Variants in MLLT1 observed in about 807,000 individuals in gnomAD.
MLLT1 encodes MLLT1 super elongation complex subunit.
MLLT1 carries 11 observed loss-of-function variants against 55.1 expected under a neutral mutation model. The ratio of observed to expected loss-of-function variants is 0.20; its 90% CI spans 0.13 to 0.33. The LOEUF (loss-of-function observed/expected upper bound fraction) is 0.33. Among genes scored for constraint, MLLT1 ranks in the 10% least tolerant of loss-of-function variants. The pLI is 1.00. For missense variants in MLLT1, 536 were observed against 760.6 expected (o/e 0.70, Z 3.47); for synonymous variants, 323 against 320.1 (o/e 1.01, Z -0.10).
intron 3 of MLLT1, among the ~76,000 whole-genome samples, chr19:6,246,308 CGTG>C (rs2091168115): frequency 6.6e-6 from 1 of 152,110 alleles, no homozygotes; most frequent in South Asian, 2.1e-4. Flanking sequence ...GAACTGAAAA[CGTG>C]GTCACACAAA....
At chr19:6,228,070 C>T (rs1410090478) in intron 4 of MLLT1, among the ~76,000 whole-genome samples, 2 of 152,142 alleles carry the variant, frequency 1.3e-5, no homozygotes, top group Admixed American at 1.3e-4. Context: ...AGGCCATGGG[C>T]CCCTAGGGTC....
At position 6,220,940 on chromosome 19, in the gene MLLT1, GCCACTGCC is replaced by G. The variant is rs1448119213; in HGVS notation, c.1110+1173_1110+1180del. Reference sequence around the variant, plus strand: ...GTCATAGCAGATGGTGCCGTCTTCAGCCACTGCCAAGCCATGGGAGCACCGGGCACTCA... The same window carrying G: ...GTCATAGCAGATGGTGCCGTCTTCAGAAGCCATGGGAGCACCGGGCACTCA... On this transcript the variant is annotated intron_variant, in intron 6 of 11. Coordinates refer to ENST00000252674, the MANE Select transcript of MLLT1 (RefSeq NM_005934.4). Among the ~76,000 whole-genome samples the G allele has an allele frequency of 9.8e-5, 15 of 152,302 alleles. No individual in the cohort carries two copies. The South Asian group carries it at 2.9e-3, about 29-fold the overall frequency.
At chr19:6,214,084 GC>G in intron 8 of MLLT1, 46 bp from the exon 9 acceptor site, 3 of 1,229,640 alleles carry the variant, frequency 2.4e-6, no homozygotes, top group Non-Finnish European at 2.1e-6. Context: ...CGCCACCACG[GC>G]CCCCACCCCA....
Position 6,226,994 on chromosome 19 carries a change from G to T in MLLT1, c.529C>A (p.Pro177Thr). Reference sequence around the variant, plus strand: ...TCACTAACCTTGGAGCCGTGGGATGGTTTGGTCTTCTTGGGGTCAGAGAAG... The same window carrying T: ...TCACTAACCTTGGAGCCGTGGGATGTTTTGGTCTTCTTGGGGTCAGAGAAG... ...SAFSDPKKTK[P>T]SHGSKDANKE... Residue 177 changes from proline (P) to threonine (T), a missense_variant, in exon 5 of 12, where the codon CCA becomes ACA. Pro to Thr is a conservative substitution (Grantham distance 38). This residue lies in a region of MLLT1 where 449 missense variants were observed against 489.0 expected (regional missense o/e 0.92). Coordinates refer to ENST00000252674, the MANE Select transcript of MLLT1 (RefSeq NM_005934.4). This position sits in a 1 kb window ranked among gnomAD's most constrained non-coding sequence, Gnocchi z 6.3. The T allele has an allele frequency of 6.2e-7, 1 of 1,602,712 alleles. No individual in the cohort carries two copies. The highest frequency in any genetic ancestry group is 2.3e-5 in the East Asian group (1 of 43,226).
chr19:6,241,906 C>A (rs764267902), intron 3 of MLLT1, among the ~76,000 whole-genome samples: 30 of 152,242 alleles, frequency 2.0e-4, no homozygotes, highest in Non-Finnish European at 4.0e-4. Context: ...AGGCCTCCCC[C>A]TCGGCCACAT....
In MLLT1 at chr19:6,230,431, G is replaced by A. The variant is rs1029305518; in HGVS notation, c.420+139C>T. 4.9e-5 allele frequency: 51 copies of A among 1,046,106 alleles called. No individual in the cohort carries two copies. Among genetic ancestry groups the A allele is most frequent in the Non-Finnish European group, 6.4e-5 (47 of 738,382 alleles). 64.8% of individuals were successfully genotyped at this position (1,046,106 alleles called of 1,614,324 possible). Reference sequence around the variant, plus strand: ...TTGTGGAGCTCCCAGGTCCCCTCCAGCTCTGCTGGGTGCTGCCGTGTGACC... The same window carrying A: ...TTGTGGAGCTCCCAGGTCCCCTCCAACTCTGCTGGGTGCTGCCGTGTGACC... On this transcript the variant is annotated intron_variant, in intron 4 of 11. Transcript: ENST00000252674. This position sits in a 1 kb window ranked among gnomAD's most constrained non-coding sequence, Gnocchi z 9.0.
chr19:6,213,787 C>T lies in MLLT1; in HGVS notation c.1418G>A (p.Arg473Gln), dbSNP rs749203329. The change falls in exon 10 of 12, where the codon CGG becomes CAG. Residue 473 changes from arginine (R) to glutamine (Q), a missense_variant. By Grantham distance (43) the Arg-to-Gln change is conservative. Transcript: ENST00000252674. Reference protein sequence around the residue: ...PPPPNSKVSGRRSPESCSKPE... With the variant: ...PPPPNSKVSGQRSPESCSKPE... Reference sequence around the variant, plus strand: ...CTTGCTGCAGGACTCGGGGCTCCTCCGGCCTGACACCTGCAGGGAACCCAG... The same window carrying T: ...CTTGCTGCAGGACTCGGGGCTCCTCTGGCCTGACACCTGCAGGGAACCCAG... The T allele has an allele frequency of 4.8e-5, 78 of 1,613,466 alleles. No individual in the cohort carries two copies. In the Middle Eastern group the frequency reaches 3.3e-3, roughly 68 times the overall value.
At chr19:6,279,424 T>C (rs1340684912) in intron 1 of MLLT1, among the ~76,000 whole-genome samples, 1 of 151,546 alleles carries the variant, frequency 6.6e-6, no homozygotes, top group Non-Finnish European at 1.5e-5. Context: ...TGTCTTGAGG[T>C]CCCTAAGCCG....
At position 6,213,723 on chromosome 19, in the gene MLLT1, C is replaced by G. The variant is rs2233196; in HGVS notation, c.1479+3G>C. 0.054 allele frequency: 86,777 copies of G among 1,612,666 alleles called. 2,817 individuals are homozygous for G. Among genetic ancestry groups the G allele is most frequent in the Middle Eastern group, 0.13 (767 of 6,052 alleles). On this transcript the variant is annotated splice_donor_region_variant and intron_variant, in intron 10 of 11. Transcript: ENST00000252674. The stretch of plus-strand genomic sequence containing the variant: ...CCCCGCCTTGTCGTAGGTGCCCCCC[C>G]ACCTTGTCGTAGGTGCCCTTCTTGA...
At chr19:6,216,535 G>C in intron 7 of MLLT1, 22 bp from the exon 8 acceptor site, 1 of 1,520,196 alleles carries the variant, frequency 6.6e-7, no homozygotes, top group South Asian at 1.2e-5. Flanking sequence ...GGGCAGGGAG[G>C]GAGGGGAGAC....
rs1267768031 is a variant in MLLT1, at chr19:6,227,450, G to T, written c.421-348C>A. Among the ~76,000 whole-genome samples, 1 of 152,240 alleles carries T rather than the reference G, an allele frequency of 6.6e-6. No homozygotes were observed. The highest frequency in any genetic ancestry group is 2.1e-4 in the South Asian group (1 of 4,834). ...GCTGCGGCCGAAGCCTGACCTACGC[G>T]CTTAGGTTTAGGGGGAACAGCTCAG... is the stretch of plus-strand genomic sequence containing the variant. On this transcript the variant is annotated intron_variant, in intron 4 of 11. Transcript: ENST00000252674. This position sits in a 1 kb window ranked among gnomAD's most constrained non-coding sequence, Gnocchi z 5.1.
intron 3 of MLLT1, among the ~76,000 whole-genome samples, chr19:6,236,202 G>A (rs111536674): frequency 5.3e-5 from 8 of 152,202 alleles, no homozygotes; most frequent in Admixed American, 3.9e-4. Context: ...AAACAGCCAC[G>A]CAGCAGTGAC....
At chr19:6,241,617 G>A (rs1033147068) in intron 3 of MLLT1, among the ~76,000 whole-genome samples, 1 of 152,188 alleles carries the variant, frequency 6.6e-6, no homozygotes, top group African/African-American at 2.4e-5. Context: ...TGGCCGTGGC[G>A]GGCGCAGGGT....
At chr19:6,269,159 G>A (rs1300755733) in intron 2 of MLLT1, among the ~76,000 whole-genome samples, 1 of 152,244 alleles carries the variant, frequency 6.6e-6, no homozygotes, top group Non-Finnish European at 1.5e-5. Context: ...ACCTATGCGG[G>A]CGGGCATGGC....
At chr19:6,250,899 T>G (rs1484441725) in intron 3 of MLLT1, among the ~76,000 whole-genome samples, 1 of 152,122 alleles carries the variant, frequency 6.6e-6, no homozygotes, top group Non-Finnish European at 1.5e-5. Context: ...CAGCAGAATG[T>G]TACTTGGCCG....
At chr19:6,217,570 CA>C (rs1195335728) in intron 7 of MLLT1, among the ~76,000 whole-genome samples, 2 of 152,238 alleles carry the variant, frequency 1.3e-5, no homozygotes. Context: ...CGTCCACAGG[CA>C]GCCAGTGCCT....
At chr19:6,272,848 G>C (rs531564694) in intron 1 of MLLT1, among the ~76,000 whole-genome samples, 1 of 152,228 alleles carries the variant, frequency 6.6e-6, no homozygotes, top group African/African-American at 2.4e-5. Flanking sequence ...GGGTCTGTGC[G>C]CACAGCAAGC....
intron 3 of MLLT1, among the ~76,000 whole-genome samples, chr19:6,238,409 T>C (rs569320616): frequency 2.0e-5 from 3 of 152,356 alleles, no homozygotes; most frequent in African/African-American, 7.2e-5. Flanking sequence ...TTAGTAGACG[T>C]GATGTCTAGG....
At position 6,219,328 on chromosome 19, in the gene MLLT1, G is replaced by T. The variant is rs971154421; in HGVS notation, c.1111-1287C>A. ...TCCCTGATGAATCATCACTGGGAAAGCCTGCCGTGGTGCCCATCAGTCACT... is the reference window on the plus strand; with the variant it reads ...TCCCTGATGAATCATCACTGGGAAATCCTGCCGTGGTGCCCATCAGTCACT... On this transcript the variant is annotated intron_variant, in intron 6 of 11. Coordinates refer to ENST00000252674, the MANE Select transcript of MLLT1 (RefSeq NM_005934.4). The surrounding 1 kb of genome is among the most constrained non-coding windows in gnomAD (Gnocchi z 4.5). Among the ~76,000 whole-genome samples, 4 of 152,114 alleles carry T rather than the reference G, an allele frequency of 2.6e-5. No individual in the cohort carries two copies. Among genetic ancestry groups the T allele is most frequent in the Non-Finnish European group, 5.9e-5 (4 of 68,016 alleles).
Sources: allele counts gnomAD v4.1 joint callset (sites outside exome capture counted in the v4.1 genomes callset), GRCh38; gene constraint gnomAD v4.1.1; regional missense constraint gnomAD v4.1.1; non-coding constraint Gnocchi (gnomAD v3.1); transcripts MANE v1.5; gene names NCBI Gene and HGNC (gene_info 2026-07-23, HGNC 2026-07-21).